The following UBAP2 variants were observed in gnomAD, a reference collection of about 807,000 sequenced individuals.
The protein encoded by UBAP2 is ubiquitin associated protein 2.
UBAP2 carries 75 observed loss-of-function variants against 139.6 expected under a neutral mutation model. The ratio of observed to expected loss-of-function variants is 0.54; its 90% CI spans 0.45 to 0.65. The LOEUF (loss-of-function observed/expected upper bound fraction) is 0.65. UBAP2 is among the 30% of genes least tolerant of loss of function. UBAP2 has a pLI of 0.00. For synonymous variants in UBAP2, 526 were observed against 526.2 expected (o/e 1.00, Z 0.01); for missense variants, 1,368 against 1,369.6 (o/e 1.00, Z 0.02).
At chr9:33,927,496 C>T (rs1436799618) in intron 20 of UBAP2, among the ~76,000 whole-genome samples, 1 of 152,186 alleles carries the variant, frequency 6.6e-6, no homozygotes, top group East Asian at 1.9e-4. Flanking sequence ...CAGCCTAGGT[C>T]TGCAGTCGTG....
intron 1 of UBAP2, among the ~76,000 whole-genome samples, chr9:34,023,181 G>A (rs1825111007): frequency 2.0e-5 from 3 of 147,932 alleles, no homozygotes; most frequent in South Asian, 2.1e-4. Context: ...AGCTGAGATC[G>A]CACCACTCCA....
chr9:34,038,700 G>A (rs1016426944), intron 1 of UBAP2, among the ~76,000 whole-genome samples: 20 of 152,072 alleles, frequency 1.3e-4, no homozygotes, highest in Non-Finnish European at 2.2e-4. Context: ...CTGCCCGGCC[G>A]CCACCCCGTC....
At chr9:33,963,951 C>T (rs996858422) in intron 8 of UBAP2, among the ~76,000 whole-genome samples, 160 bp from the exon 9 acceptor site, 2 of 152,176 alleles carry the variant, frequency 1.3e-5, no homozygotes, top group African/African-American at 4.8e-5. Context: ...CACTGCAAAT[C>T]AAGTTATGAA....
intron 8 of UBAP2, among the ~76,000 whole-genome samples, chr9:33,969,871 C>G (rs987228063): frequency 1.3e-5 from 2 of 150,066 alleles, no homozygotes; most frequent in Non-Finnish European, 1.5e-5. Flanking sequence ...CAAACACCCC[C>G]CCACCCCCAA....
intron 6 of UBAP2, among the ~76,000 whole-genome samples, chr9:33,983,514 G>A (rs12351578): frequency 1.3e-5 from 2 of 152,044 alleles, no homozygotes; most frequent in Non-Finnish European, 2.9e-5. Context: ...TCAGAACAAT[G>A]ATATTTTAAC....
At chr9:34,041,881 C>T (rs1405300065) in intron 1 of UBAP2, among the ~76,000 whole-genome samples, 3 of 151,778 alleles carry the variant, frequency 2.0e-5, no homozygotes, top group Non-Finnish European at 2.9e-5. Flanking sequence ...AAAAATTAGC[C>T]AGGCATGGTG....
intron 10 of UBAP2, among the ~76,000 whole-genome samples, chr9:33,960,026 C>G (rs1413600980): frequency 1.3e-5 from 2 of 152,086 alleles, no homozygotes; most frequent in Non-Finnish European, 2.9e-5. Context: ...AACTCCTGGG[C>G]TCAAGAGATC....
intron 1 of UBAP2, among the ~76,000 whole-genome samples, chr9:34,044,621 T>C (rs923283512): frequency 6.6e-6 from 1 of 151,958 alleles, no homozygotes; most frequent in African/African-American, 2.4e-5. Context: ...TCCCAGCACT[T>C]TGGGAGGCCA....
At chr9:33,997,310 T>C (rs1689495842) in intron 3 of UBAP2, 1 of 152,202 alleles carries the variant, frequency 6.6e-6, no homozygotes, top group African/African-American at 2.4e-5. Flanking sequence ...AGTGAATAAA[T>C]CTATGATTTA....
At chr9:33,970,362 T>G (rs1827823377) in intron 8 of UBAP2, among the ~76,000 whole-genome samples, 1 of 152,152 alleles carries the variant, frequency 6.6e-6, no homozygotes, top group Non-Finnish European at 1.5e-5. Flanking sequence ...TATTTACAGT[T>G]GGTTAGTCGT....
In UBAP2 at chr9:33,972,170, T is replaced by G. The variant is rs1440771626; in HGVS notation, c.576-416A>C. On this transcript the variant is annotated intron_variant, in intron 7 of 28. Coordinates refer to ENST00000379238, the MANE Select transcript of UBAP2 (RefSeq NM_001370062.2). ...TTACAGCTTAGATTTATATGCTCCT[T>G]TACAGAAACATTAGATAAAGAAGAA... is the stretch of plus-strand genomic sequence containing the variant. Among the ~76,000 whole-genome samples the G allele has an allele frequency of 2.0e-5, 3 of 152,218 alleles. No homozygotes were observed. The East Asian group carries it at 5.8e-4, about 29-fold the overall frequency.
At chr9:34,019,567 G>A (rs1483493765) in intron 1 of UBAP2, among the ~76,000 whole-genome samples, 3 of 152,046 alleles carry the variant, frequency 2.0e-5, no homozygotes, top group Non-Finnish European at 1.5e-5. Context: ...TGTAGGGGAG[G>A]ATACAAAGGT....
chr9:34,018,522 A>G (rs1824598759), intron 1 of UBAP2, among the ~76,000 whole-genome samples: 1 of 152,160 alleles, frequency 6.6e-6, no homozygotes, highest in Non-Finnish European at 1.5e-5. Flanking sequence ...CACCAAAAAC[A>G]AATCTCAAAG....
intron 16 of UBAP2, among the ~76,000 whole-genome samples, chr9:33,937,131 C>CAAA (rs201060540): frequency 1.0e-5 from 1 of 99,640 alleles, no homozygotes; most frequent in South Asian, 3.1e-4. Context: ...GGTGGTGATT[C>CAAA]AAAAAAAAAA....
At chr9:33,924,421 C>T in intron 22 of UBAP2, 137 bp from the exon 23 acceptor site, 1 of 824,872 alleles carries the variant, frequency 1.2e-6, no homozygotes, top group Non-Finnish European at 2.0e-6. Context: ...CCAGGGAACG[C>T]CAAGTAAATG....
At chr9:33,933,694 G>A (rs1824205091) in intron 17 of UBAP2, 66 bp from the exon 18 acceptor site, 2 of 1,585,466 alleles carry the variant, frequency 1.3e-6, no homozygotes, top group African/African-American at 1.3e-5. Flanking sequence ...CTAAGTGCCT[G>A]AAAATATGCT....
chr9:34,007,469 C>G (rs954722700), intron 2 of UBAP2, among the ~76,000 whole-genome samples: 6 of 150,574 alleles, frequency 4.0e-5, no homozygotes, highest in Non-Finnish European at 7.4e-5. Flanking sequence ...TATATTCCAG[C>G]CTGGGTGACC....
chr9:33,972,909 G>C (rs542411004), intron 7 of UBAP2, among the ~76,000 whole-genome samples: 22 of 152,164 alleles, frequency 1.4e-4, no homozygotes, highest in Non-Finnish European at 1.6e-4. Flanking sequence ...GAGAGATGTT[G>C]CTAAGCAACC....
intron 2 of UBAP2, among the ~76,000 whole-genome samples, chr9:34,015,392 C>T (rs1824160429): frequency 6.6e-6 from 1 of 152,076 alleles, no homozygotes. Context: ...GATCTTGGCT[C>T]ACTGCAACCT....
Sources: allele counts gnomAD v4.1 joint callset (sites outside exome capture counted in the v4.1 genomes callset), GRCh38; gene constraint gnomAD v4.1.1; transcripts MANE v1.5; gene names NCBI Gene and HGNC (gene_info 2026-07-23, HGNC 2026-07-21).